SBF2: variants seen among roughly 807,000 people sequenced by gnomAD.
SBF2 encodes myotubularin-related protein 13.
SBF2 carries 112 observed loss-of-function variants against 225.2 expected under a neutral mutation model. The observed-to-expected ratio is 0.50, with a 90% CI of 0.43 to 0.58. The LOEUF is 0.58. Ranked by LOEUF, SBF2 falls within the 20% of genes least tolerant of loss-of-function variation. SBF2 has a pLI of 0.00. For missense variants in SBF2, 1,996 were observed against 2,206.2 expected (o/e 0.90, Z 1.91); for synonymous variants, 763 against 773.3 (o/e 0.99, Z 0.22).
chr11:10,004,588 A>AAAC (rs1259466435), intron 6 of SBF2, among the ~76,000 whole-genome samples: 17 of 148,778 alleles, frequency 1.1e-4, no homozygotes, highest in Middle Eastern at 3.4e-3. Flanking sequence ...AAAAAAAAAA[A>AAAC]AAAAAAACAA....
chr11:9,923,670 C>G (rs1590466160), intron 16 of SBF2, among the ~76,000 whole-genome samples: 1 of 152,160 alleles, frequency 6.6e-6, no homozygotes, highest in African/African-American at 2.4e-5. Flanking sequence ...ACATGGAGAT[C>G]ATGCTGTGAA....
At chr11:10,022,965 G>C (rs965608748) in intron 6 of SBF2, among the ~76,000 whole-genome samples, 1 of 152,104 alleles carries the variant, frequency 6.6e-6, no homozygotes, top group African/African-American at 2.4e-5. Flanking sequence ...TGTTTGGTAA[G>C]GTTATAACGG....
At chr11:10,003,619 G>A (rs1410210986) in intron 6 of SBF2, among the ~76,000 whole-genome samples, 7 of 151,980 alleles carry the variant, frequency 4.6e-5, no homozygotes, top group Middle Eastern at 3.4e-3. Context: ...CACCTGCCTC[G>A]GCCTCCCAAA....
intron 1 of SBF2, among the ~76,000 whole-genome samples, chr11:10,226,792 A>G (rs538109588): frequency 1.4e-4 from 21 of 152,286 alleles, no homozygotes; most frequent in African/African-American, 4.6e-4. Context: ...ATAAACATAC[A>G]TGTGCATGTG....
intron 2 of SBF2, among the ~76,000 whole-genome samples, chr11:10,074,592 T>C (rs1328547889): frequency 3.3e-5 from 5 of 152,220 alleles, no homozygotes; most frequent in Admixed American, 3.3e-4. Flanking sequence ...ATTTTAAGTG[T>C]TTTATATTAT....
intron 2 of SBF2, among the ~76,000 whole-genome samples, chr11:10,072,676 G>A (rs1950930957): frequency 6.6e-6 from 1 of 150,750 alleles, no homozygotes; most frequent in African/African-American, 2.4e-5. Flanking sequence ...TTCCACTAAT[G>A]GCTGCATTAC....
At chr11:10,254,939 A>AAAAAAAAAAAAAAAT (rs1960737355) in intron 1 of SBF2, among the ~76,000 whole-genome samples, 2 of 113,920 alleles carry the variant, frequency 1.8e-5, no homozygotes, top group African/African-American at 3.2e-5. Flanking sequence ...AAAAAAAAAA[A>AAAAAAAAAAAAAAAT]TCCTATTATT....
At chr11:9,970,226 A>T (rs1320446329) in intron 13 of SBF2, among the ~76,000 whole-genome samples, 31 of 145,526 alleles carry the variant, frequency 2.1e-4, no homozygotes, top group Non-Finnish European at 4.1e-4. Context: ...TTTTTTTTTT[A>T]GACGCAGTCT....
At chr11:10,032,737 G>T (rs376605813) in intron 3 of SBF2, among the ~76,000 whole-genome samples, 3 of 152,046 alleles carry the variant, frequency 2.0e-5, no homozygotes, top group African/African-American at 7.3e-5. Flanking sequence ...TCCCATAAAG[G>T]CCAGGATTTC....
intron 16 of SBF2, among the ~76,000 whole-genome samples, chr11:9,922,917 G>A (rs1863746770): frequency 6.6e-6 from 1 of 152,164 alleles, no homozygotes; most frequent in Admixed American, 6.5e-5. Context: ...GTTGCCTCGA[G>A]AGACAACAGT....
intron 26 of SBF2, chr11:9,837,996 A>C (rs1474769583): frequency 6.7e-6 from 1 of 149,566 alleles, no homozygotes; most frequent in African/African-American, 2.5e-5. Flanking sequence ...TCGGCCTCCC[A>C]AAGTGCTGGG....
chr11:9,936,462 C>G (rs1355952765), intron 16 of SBF2, among the ~76,000 whole-genome samples: 1 of 152,140 alleles, frequency 6.6e-6, no homozygotes, highest in Non-Finnish European at 1.5e-5. Context: ...GGTATATACC[C>G]AAAGGATTAT....
chr11:10,283,520 G>A (rs759106369), intron 1 of SBF2, among the ~76,000 whole-genome samples: 13 of 150,984 alleles, frequency 8.6e-5, no homozygotes, highest in Non-Finnish European at 1.9e-4. Flanking sequence ...TACTTAAACA[G>A]ACTGATATGA....
intron 2 of SBF2, among the ~76,000 whole-genome samples, chr11:10,055,524 TACACACACACACACACACAC>T (rs3993326): frequency 3.7e-4 from 50 of 133,852 alleles, no homozygotes; most frequent in African/African-American, 7.1e-4. Context: ...AAGAAAATGA[TACACACACACACACACACAC>T]ACACACACAC....
chr11:10,165,560 G>A (rs1468085710), intron 2 of SBF2, among the ~76,000 whole-genome samples: 1 of 152,100 alleles, frequency 6.6e-6, no homozygotes, highest in African/African-American at 2.4e-5. Context: ...GAAATGCAGA[G>A]GACAACTTCA....
intron 17 of SBF2, among the ~76,000 whole-genome samples, chr11:9,875,260 T>G (rs993762742): frequency 7.9e-5 from 12 of 152,196 alleles, no homozygotes; most frequent in African/African-American, 2.9e-4. Context: ...ACAGATCCAG[T>G]GCTAAGAATA....
At chr11:9,939,256 C>T (rs149790008) in intron 16 of SBF2, among the ~76,000 whole-genome samples, 13 of 152,212 alleles carry the variant, frequency 8.5e-5, no homozygotes, top group African/African-American at 2.9e-4. Flanking sequence ...CCACCACGCC[C>T]GGCTAATTTT....
In SBF2 at chr11:10,133,377, C is replaced by T. The variant is rs533186396; in HGVS notation, c.141+60525G>A. ...GGGGGTGGTGCTTGTCGGGGAGGCT[C>T]GGGCCGCACAGGAGCCCATGGAGTG... is the stretch of plus-strand genomic sequence containing the variant. On this transcript the variant is annotated intron_variant, in intron 2 of 39. Transcript: ENST00000256190. Among the ~76,000 whole-genome samples, 11 of 149,646 alleles carry T rather than the reference C, an allele frequency of 7.4e-5. 1 individual carries two copies. The highest frequency in any genetic ancestry group is 1.6e-4 in the Non-Finnish European group (11 of 67,590).
At chr11:9,796,481 T>C (rs978359977) in intron 32 of SBF2, among the ~76,000 whole-genome samples, 1 of 152,104 alleles carries the variant, frequency 6.6e-6, no homozygotes, top group African/African-American at 2.4e-5. Flanking sequence ...AGTTTGGCAA[T>C]GAAAAGGATT....
Sources: gnomAD v4.1 joint callset for allele counts (sites outside exome capture counted in the v4.1 genomes callset) on GRCh38, gnomAD v4.1.1 for gene constraint, MANE v1.5 for transcripts, NCBI Gene and HGNC (gene_info 2026-07-23, HGNC 2026-07-21) for gene names.